The following FOCAD variants were observed in gnomAD, a reference collection of about 807,000 sequenced individuals.
The protein encoded by FOCAD is KIAA1797.
In FOCAD, 198 loss-of-function variants were observed where a neutral mutation model predicts 225.6. That is an observed-to-expected ratio of 0.88 (90% CI 0.78 to 0.99). FOCAD has a LOEUF of 0.99. Among genes scored for constraint, FOCAD ranks in the 50% least tolerant of loss-of-function variants. The probability of loss-of-function intolerance (pLI) is 0.00; values close to 1 mark genes in which losing one functional copy is unlikely to be tolerated. For missense variants in FOCAD, 2,713 were observed against 2,123.6 expected, an observed-to-expected ratio of 1.28 and a Z score of -5.46; for synonymous variants, 897 against 755.0, an observed-to-expected ratio of 1.19 and a Z score of -3.08.
intron 28 of FOCAD, among the ~76,000 whole-genome samples, chr9:20,937,678 G>T (rs201389286): frequency 5.7e-4 from 87 of 152,146 alleles, no homozygotes; most frequent in Admixed American, 1.5e-3. Flanking sequence ...GGCAAGGACT[G>T]CATGTCTAAA....
At chr9:20,941,988 A>C (rs1345500033) in intron 28 of FOCAD, among the ~76,000 whole-genome samples, 1 of 152,212 alleles carries the variant, frequency 6.6e-6, no homozygotes, top group Non-Finnish European at 1.5e-5. Context: ...AATATAGAAG[A>C]TTTAGAAATC....
intron 5 of FOCAD, among the ~76,000 whole-genome samples, chr9:20,747,951 A>G (rs778545956): frequency 1.1e-4 from 17 of 151,386 alleles, no homozygotes; most frequent in Admixed American, 3.3e-4. Flanking sequence ...TCATTATTAC[A>G]TTTACTGTTT....
chr9:20,864,531 T>C (rs1270786640), intron 16 of FOCAD, among the ~76,000 whole-genome samples: 2 of 152,110 alleles, frequency 1.3e-5, no homozygotes, highest in Non-Finnish European at 2.9e-5. Context: ...TTTTAACTCA[T>C]CCCATCCTTT....
At chr9:20,983,385 A>C (rs994450513) in intron 39 of FOCAD, among the ~76,000 whole-genome samples, 2 of 152,076 alleles carry the variant, frequency 1.3e-5, no homozygotes, top group African/African-American at 4.8e-5. Flanking sequence ...TATTCTGGCC[A>C]ACATGGTGAA....
chr9:20,668,509 A>G (rs1821961448), intron 2 of FOCAD, among the ~76,000 whole-genome samples: 1 of 152,220 alleles, frequency 6.6e-6, no homozygotes, highest in Admixed American at 6.5e-5. Flanking sequence ...TTATGTTCTG[A>G]TATCAGGCAA....
chr9:20,843,409 C>G (rs1043924845), intron 15 of FOCAD, among the ~76,000 whole-genome samples: 7 of 152,036 alleles, frequency 4.6e-5, no homozygotes, highest in Non-Finnish European at 1.0e-4. Context: ...TGCTTCAGCA[C>G]TTTAAATATG....
At chr9:20,764,661 G>C (rs752782064) in intron 6 of FOCAD, among the ~76,000 whole-genome samples, 2 of 152,194 alleles carry the variant, frequency 1.3e-5, no homozygotes, top group African/African-American at 2.4e-5. Context: ...ACAGTCTCCA[G>C]GTGTTGAATA....
At chr9:20,804,502 TA>T (rs1822198157) in intron 11 of FOCAD, among the ~76,000 whole-genome samples, 1 of 151,950 alleles carries the variant, frequency 6.6e-6, no homozygotes, top group Non-Finnish European at 1.5e-5. Context: ...CATGCATGCA[TA>T]TATTAGGTTG....
At chr9:20,655,626 G>A (rs573997984), upstream of FOCAD, among the ~76,000 whole-genome samples, 11 of 152,216 alleles carry the variant, frequency 7.2e-5, no homozygotes, top group African/African-American at 2.6e-4. Context: ...AGCCATAAGA[G>A]ATAAGACATT....
chr9:20,871,889 C>A (rs953278200), intron 18 of FOCAD, among the ~76,000 whole-genome samples: 1 of 141,478 alleles, frequency 7.1e-6, no homozygotes, highest in Non-Finnish European at 1.5e-5. Flanking sequence ...GCACATGTAC[C>A]CTAAAACTTA....
At chr9:20,944,837 T>C (rs1292473068) in intron 29 of FOCAD, 63 bp downstream of exon 29, 8 of 1,495,932 alleles carry the variant, frequency 5.3e-6, no homozygotes, top group Middle Eastern at 1.8e-4. Flanking sequence ...TTGCCACTTA[T>C]TTTGGACTTA....
intron 8 of FOCAD, among the ~76,000 whole-genome samples, chr9:20,776,713 A>G (rs934651605): frequency 5.3e-5 from 8 of 152,202 alleles, no homozygotes; most frequent in African/African-American, 2.4e-5. Context: ...AAGCTACTTT[A>G]TGGGCCTTGC....
chr9:20,817,170 C>G (rs1220081819), intron 11 of FOCAD, among the ~76,000 whole-genome samples: 1 of 152,008 alleles, frequency 6.6e-6, no homozygotes, highest in African/African-American at 2.4e-5. Flanking sequence ...AGATATTTAC[C>G]AAATAATTTT....
At chr9:20,810,125 A>C (rs1488707059) in intron 11 of FOCAD, among the ~76,000 whole-genome samples, 1 of 152,144 alleles carries the variant, frequency 6.6e-6, no homozygotes, top group African/African-American at 2.4e-5. Context: ...GGCAAAGTCA[A>C]GAAGACATCA....
chr9:20,923,920 C>T, intron 25 of FOCAD, 152 bp downstream of exon 25: 1 of 599,628 alleles, frequency 1.7e-6, no homozygotes, highest in South Asian at 2.3e-5. Flanking sequence ...GCCTCAGTGT[C>T]TTCCTAACTT....
chr9:20,814,898 C>G (rs190864037), intron 11 of FOCAD, among the ~76,000 whole-genome samples: 164 of 152,078 alleles, frequency 1.1e-3, no homozygotes, highest in Non-Finnish European at 1.8e-4. Context: ...CTTCTAAACC[C>G]TATACCAGAA....
At chr9:20,946,114 TTCATTCA>T (rs1837154771) in intron 29 of FOCAD, among the ~76,000 whole-genome samples, 1 of 152,018 alleles carries the variant, frequency 6.6e-6, no homozygotes, top group African/African-American at 2.4e-5. Context: ...CATTCATTCA[TTCATTCA>T]TCAACATATT....
At chr9:20,695,468 C>T (rs1160842740) in intron 1 of FOCAD, among the ~76,000 whole-genome samples, 2 of 152,224 alleles carry the variant, frequency 1.3e-5, no homozygotes, top group African/African-American at 4.8e-5. Flanking sequence ...CGTAAACATG[C>T]TTTCATTTTT....
intron 34 of FOCAD, among the ~76,000 whole-genome samples, chr9:20,952,238 A>G (rs973921482): frequency 6.6e-6 from 1 of 152,118 alleles, no homozygotes; most frequent in East Asian, 1.9e-4. Flanking sequence ...CATATACTCA[A>G]ATCAGGTACT....
Sources: allele counts gnomAD v4.1 joint callset (sites outside exome capture counted in the v4.1 genomes callset), GRCh38; gene constraint gnomAD v4.1.1; transcripts MANE v1.5; gene names NCBI Gene and HGNC (gene_info 2026-07-23, HGNC 2026-07-21).